Variants in RPTOR observed in about 807,000 individuals in gnomAD.
The protein encoded by RPTOR is regulatory-associated protein of mTOR.
A neutral mutation model predicts 169.9 loss-of-function variants in RPTOR; 21 were observed. The ratio of observed to expected loss-of-function variants is 0.12; its 90% CI spans 0.09 to 0.18. The LOEUF (loss-of-function observed/expected upper bound fraction) is 0.18. RPTOR is among the 10% of genes least tolerant of loss of function. The probability of loss-of-function intolerance (pLI) is 1.00; values close to 1 mark genes in which losing one functional copy is unlikely to be tolerated. For synonymous variants in RPTOR, 732 were observed against 753.2 expected (o/e 0.97, Z 0.46); for missense variants, 1,133 against 1,855.9 (o/e 0.61, Z 7.16).
At chr17:80,850,049 A>G (rs930866133) in intron 11 of RPTOR, among the ~76,000 whole-genome samples, 1 of 152,150 alleles carries the variant, frequency 6.6e-6, no homozygotes, top group African/African-American at 2.4e-5. Flanking sequence ...TTATGTGTTC[A>G]TTTATTTACT....
chr17:80,637,882 C>T (rs536927331), intron 2 of RPTOR, among the ~76,000 whole-genome samples: 11 of 152,344 alleles, frequency 7.2e-5, no homozygotes, highest in South Asian at 6.2e-4. Flanking sequence ...TCGCCCTTGG[C>T]GGCGGCTCGT....
intron 2 of RPTOR, 35 bp from the exon 3 acceptor site, chr17:80,643,693 C>T (rs769806144): frequency 1.6e-5 from 24 of 1,528,250 alleles, no homozygotes; most frequent in Middle Eastern, 3.4e-4. Context: ...GAAATGCAGA[C>T]GTAAAGAACT....
intron 2 of RPTOR, among the ~76,000 whole-genome samples, chr17:80,639,903 T>A (rs187541013): frequency 6.6e-6 from 1 of 152,220 alleles, no homozygotes; most frequent in African/African-American, 2.4e-5. Flanking sequence ...CCCCTTCAGG[T>A]TGGCTGAATG....
chr17:80,658,442 C>T (rs541514421), intron 3 of RPTOR, among the ~76,000 whole-genome samples: 7 of 152,224 alleles, frequency 4.6e-5, no homozygotes, highest in Non-Finnish European at 7.4e-5. Flanking sequence ...TCTGTTAAAA[C>T]GTCACACTGA....
At chr17:80,865,450 G>C (rs1206317948) in intron 13 of RPTOR, among the ~76,000 whole-genome samples, 6 of 152,180 alleles carry the variant, frequency 3.9e-5, no homozygotes, top group Non-Finnish European at 8.8e-5. Flanking sequence ...CAAAAGGACG[G>C]GAAGAGCTCT....
In RPTOR at chr17:80,569,138, C is replaced by T. The variant is rs189990328; in HGVS notation, c.162+23347C>T. Among the ~76,000 whole-genome samples, 425 of 152,326 alleles carry T rather than the reference C, an allele frequency of 2.8e-3. 1 individual carries two copies. The highest frequency in any genetic ancestry group is 5.4e-3 in the Non-Finnish European group (365 of 68,036). On this transcript the variant is annotated intron_variant, in intron 1 of 33. Coordinates refer to ENST00000306801, the MANE Select transcript of RPTOR (RefSeq NM_020761.3). The stretch of plus-strand genomic sequence containing the variant: ...TTATCTGTTATTTCCTCGTCACTCT[C>T]ATTTTTGGGTCTAGATGGACTGACT...
intron 9 of RPTOR, among the ~76,000 whole-genome samples, chr17:80,835,279 T>C (rs1159523117): frequency 6.6e-6 from 1 of 152,198 alleles, no homozygotes; most frequent in African/African-American, 2.4e-5. Flanking sequence ...ATTTTAACAT[T>C]TTTCATTCTC....
intron 3 of RPTOR, among the ~76,000 whole-genome samples, chr17:80,705,805 G>A (rs2066137973): frequency 1.3e-5 from 2 of 152,116 alleles, no homozygotes; most frequent in Non-Finnish European, 2.9e-5. Flanking sequence ...GAAATGCTGG[G>A]ATTCCAGGTG....
At chr17:80,713,231 G>T (rs2066210965) in intron 4 of RPTOR, among the ~76,000 whole-genome samples, 1 of 152,104 alleles carries the variant, frequency 6.6e-6, no homozygotes, top group Non-Finnish European at 1.5e-5. Flanking sequence ...TCCACGCCCG[G>T]CTAATTTTGT....
chr17:80,860,546 C>T lies in RPTOR; in HGVS notation c.1509+2646C>T, dbSNP rs964725756. 1.3e-5 allele frequency among the ~76,000 whole-genome samples: 2 copies of T among 152,124 alleles called. No homozygotes were observed. Among genetic ancestry groups the T allele is most frequent in the Admixed American group, 1.3e-4 (2 of 15,284 alleles). ...AGCCTCCCCACACCCCAAGTCCTCA[C>T]GTACTACTTTGGTGTCACAGCTGAA... On this transcript the variant is annotated intron_variant, in intron 13 of 33. Transcript: ENST00000306801. The surrounding 1 kb of genome is among the most constrained non-coding windows in gnomAD (Gnocchi z 5.8).
Position 80,954,020 on chromosome 17 carries a change from A to T in RPTOR, c.3371-3604A>T, listed in dbSNP as rs79203401. 6.7e-3 allele frequency among the ~76,000 whole-genome samples: 1,016 copies of T among 152,250 alleles called. 17 individuals carry two copies. Among genetic ancestry groups the T allele is most frequent in the African/African-American group, 0.023 (974 of 41,534 alleles). On this transcript the variant is annotated intron_variant, in intron 28 of 33. Coordinates refer to ENST00000306801, the MANE Select transcript of RPTOR (RefSeq NM_020761.3). Reference sequence around the variant, plus strand: ...TTGTTTGTTTGTGTTTGTTTTTGAGATGGGGTCTTGCTCTCACTGCAGCCT... The same window carrying T: ...TTGTTTGTTTGTGTTTGTTTTTGAGTTGGGGTCTTGCTCTCACTGCAGCCT...
chr17:80,964,983 A>G lies in RPTOR; in HGVS notation c.*653A>G, dbSNP rs73359530. 0.038 allele frequency: 8,903 copies of G among 233,434 alleles called. 827 individuals are homozygous for G. The highest frequency in any genetic ancestry group is 0.18 in the African/African-American group (8,345 of 45,436). The allele number at this position is 233,434 out of a possible 1,614,324, so 14.5% of individuals were successfully genotyped here. ...CCGCTGGCAGCATCACTGAGCAGGA[A>G]GCGCACAGCCCACCCTCCCCGCACC... On this transcript the variant is annotated 3_prime_UTR_variant, in exon 34 of 34. Transcript: ENST00000306801.
intron 1 of RPTOR, among the ~76,000 whole-genome samples, chr17:80,603,399 G>T (rs2065205123): frequency 6.6e-6 from 1 of 152,216 alleles, no homozygotes; most frequent in Admixed American, 6.5e-5. Flanking sequence ...AACTGGGAAA[G>T]CACGCGTGTT....
intron 1 of RPTOR, among the ~76,000 whole-genome samples, chr17:80,600,146 C>T (rs772102042): frequency 6.6e-6 from 1 of 152,160 alleles, no homozygotes; most frequent in Non-Finnish European, 1.5e-5. Context: ...CATTAAATCC[C>T]GTCTGGCCTC....
At chr17:80,899,125 C>T (rs537000910) in intron 20 of RPTOR, among the ~76,000 whole-genome samples, 6 of 152,320 alleles carry the variant, frequency 3.9e-5, no homozygotes, top group South Asian at 2.1e-4. Context: ...TGAGAAATAA[C>T]GTTGCAGCTT....
At chr17:80,568,507 T>C (rs920700598) in intron 1 of RPTOR, among the ~76,000 whole-genome samples, 1 of 152,230 alleles carries the variant, frequency 6.6e-6, no homozygotes, top group Non-Finnish European at 1.5e-5. Flanking sequence ...GTTTTTGTCA[T>C]TGGAATTTAG....
Position 80,814,838 on chromosome 17 carries a change from C to A in RPTOR, c.891-7363C>A, listed in dbSNP as rs377666947. Among the ~76,000 whole-genome samples the A allele has an allele frequency of 1.6e-4, 24 of 152,296 alleles. No homozygotes were observed. In the East Asian group the frequency reaches 1.9e-3, roughly 12 times the overall value. ...TCAGAGACATTCACAGCTCTCTGGG[C>A]AGGCATCAAAGGAGCAGCCCCAAGC... On this transcript the variant is annotated intron_variant, in intron 7 of 33. Coordinates refer to ENST00000306801, the MANE Select transcript of RPTOR (RefSeq NM_020761.3).
At chr17:80,817,116 G>A (rs866591656) in intron 7 of RPTOR, among the ~76,000 whole-genome samples, 42 of 152,356 alleles carry the variant, frequency 2.8e-4, no homozygotes, top group Middle Eastern at 6.8e-3. Flanking sequence ...GCCGCACAGC[G>A]GGAGGCACGG....
intron 1 of RPTOR, among the ~76,000 whole-genome samples, chr17:80,580,621 GTTTT>G (rs2065005984): frequency 6.6e-6 from 1 of 152,026 alleles, no homozygotes; most frequent in Non-Finnish European, 1.5e-5. Flanking sequence ...CCCGTGTGGG[GTTTT>G]TTGTGTTTTG....
Sources: gnomAD v4.1 joint callset for allele counts (sites outside exome capture counted in the v4.1 genomes callset) on GRCh38, gnomAD v4.1.1 for gene constraint, Gnocchi (gnomAD v3.1) non-coding constraint, MANE v1.5 for transcripts, NCBI Gene and HGNC (gene_info 2026-07-23, HGNC 2026-07-21) for gene names.